The following SUGCT variants were observed in gnomAD, a reference collection of about 807,000 sequenced individuals.
SUGCT encodes succinyl-CoA:glutarate-CoA transferase.
Under a neutral mutation model 55.0 loss-of-function variants are expected in SUGCT, and 41 were observed. The observed-to-expected ratio is 0.74, with a 90% CI of 0.58 to 0.97. The LOEUF (loss-of-function observed/expected upper bound fraction) is 0.97, where lower values mean the gene tolerates loss of function less well. Among genes scored for constraint, SUGCT ranks in the 50% least tolerant of loss-of-function variants. The pLI, the probability that SUGCT is intolerant of heterozygous loss-of-function variation, is 0.00. For missense variants in SUGCT, 568 were observed against 547.8 expected, an observed-to-expected ratio of 1.04 and a Z score of -0.37; for synonymous variants, 187 against 200.4, an observed-to-expected ratio of 0.93 and a Z score of 0.56.
intron 11 of SUGCT, among the ~76,000 whole-genome samples, chr7:40,490,481 G>A (rs902380434): frequency 6.6e-6 from 1 of 152,142 alleles, no homozygotes; most frequent in African/African-American, 2.4e-5. Context: ...GTGTGGTGCT[G>A]TTTTGGCTTG....
intron 10 of SUGCT, among the ~76,000 whole-genome samples, chr7:40,451,925 C>A (rs1430411466): frequency 6.6e-6 from 1 of 152,210 alleles, no homozygotes; most frequent in Non-Finnish European, 1.5e-5. Flanking sequence ...CAGTTCTTCA[C>A]AGTGAGCCCC....
rs796881267 is a variant in SUGCT, at chr7:40,781,350, A to G, written c.1153+31853A>G. On this transcript the variant is annotated intron_variant, in intron 13 of 13. Transcript: ENST00000335693. ...AAATGATAGCGATGGAAATCATAATAAAAGATAAGTAACAATCGAATCTGC... is the reference window on the plus strand; with the variant it reads ...AAATGATAGCGATGGAAATCATAATGAAAGATAAGTAACAATCGAATCTGC... Among the ~76,000 whole-genome samples, 10 of 152,290 alleles carry G rather than the reference A, an allele frequency of 6.6e-5. 1 individual carries two copies. The highest frequency in any genetic ancestry group is 2.4e-4 in the African/African-American group (10 of 41,574).
At chr7:41,000,484 G>GTT in the SUGCT span, among the ~76,000 whole-genome samples, 42 of 143,666 alleles carry the variant, frequency 2.9e-4, no homozygotes, top group African/African-American at 9.6e-4. Flanking sequence ...TAACTTAGTT[G>GTT]TTTTTTTTTT....
intron 13 of SUGCT, among the ~76,000 whole-genome samples, chr7:40,800,286 CTTTTTTTTTT>C (rs11307043): frequency 8.0e-6 from 1 of 124,648 alleles, no homozygotes; most frequent in African/African-American, 3.0e-5. Context: ...GTATTCATGA[CTTTTTTTTTT>C]TTTTTTTTTG....
At chr7:41,038,693 T>A in the SUGCT span, among the ~76,000 whole-genome samples, 1 of 152,098 alleles carries the variant, frequency 6.6e-6, no homozygotes, top group Admixed American at 6.5e-5. Flanking sequence ...GAGAACACAT[T>A]AATCAATGAA....
chr7:40,264,962 A>C (rs1402884680), intron 7 of SUGCT, among the ~76,000 whole-genome samples: 1 of 152,208 alleles, frequency 6.6e-6, no homozygotes, highest in Non-Finnish European at 1.5e-5. Context: ...ACCTTTTCTT[A>C]CTTAATTCTC....
At chr7:40,189,508 G>A (rs755912209) in intron 4 of SUGCT, 36 bp from the exon 5 acceptor site, 36 of 781,630 alleles carry the variant, frequency 4.6e-5, no homozygotes, top group South Asian at 3.9e-4. Context: ...TTTGGTCATC[G>A]AAATAATATA....
At chr7:40,683,025 A>AT (rs974406720) in intron 12 of SUGCT, among the ~76,000 whole-genome samples, 3 of 151,910 alleles carry the variant, frequency 2.0e-5, no homozygotes, top group Non-Finnish European at 4.4e-5. Flanking sequence ...ATTCCTTTGC[A>AT]TTTTTTTAAT....
At chr7:40,336,119 G>A (rs1333886447) in intron 9 of SUGCT, among the ~76,000 whole-genome samples, 3 of 152,120 alleles carry the variant, frequency 2.0e-5, no homozygotes, top group Non-Finnish European at 2.9e-5. Context: ...TGGTGGATAA[G>A]GTTTTTGATG....
At chr7:40,300,926 A>G (rs1261085203) in intron 8 of SUGCT, among the ~76,000 whole-genome samples, 1 of 152,236 alleles carries the variant, frequency 6.6e-6, no homozygotes, top group Admixed American at 6.5e-5. Context: ...AGTGATGGCC[A>G]TAAAATGGCA....
chr7:40,876,655 C>T, the SUGCT span, among the ~76,000 whole-genome samples: 2,443 of 152,264 alleles, frequency 0.016, 70 homozygotes, highest in African/African-American at 0.055. Flanking sequence ...GGAAGGAAAG[C>T]TTCACCACCA....
chr7:40,411,109 T>A (rs143581347), intron 9 of SUGCT, among the ~76,000 whole-genome samples: 393 of 152,304 alleles, frequency 2.6e-3, no homozygotes, highest in Middle Eastern at 0.017. Context: ...AGCCAATGAA[T>A]TGGCTGGGCG....
chr7:40,340,422 T>C (rs1193880043), intron 9 of SUGCT, among the ~76,000 whole-genome samples: 2 of 152,092 alleles, frequency 1.3e-5, no homozygotes, highest in African/African-American at 4.8e-5. Flanking sequence ...AGAATGGAAC[T>C]ATGATCAAAT....
chr7:40,950,536 G>T, the SUGCT span, among the ~76,000 whole-genome samples: 1 of 152,136 alleles, frequency 6.6e-6, no homozygotes, highest in African/African-American at 2.4e-5. Context: ...TCTTGTGCCA[G>T]TTTTCAAAGG....
At chr7:40,300,364 G>A (rs1382127941) in intron 8 of SUGCT, among the ~76,000 whole-genome samples, 1 of 152,088 alleles carries the variant, frequency 6.6e-6, no homozygotes, top group Non-Finnish European at 1.5e-5. Flanking sequence ...GACTGCTGAG[G>A]ATGTAAAAAA....
chr7:40,237,762 C>T, intron 7 of SUGCT, 36 bp downstream of exon 7: 1 of 1,557,078 alleles, frequency 6.4e-7, no homozygotes, highest in Non-Finnish European at 8.9e-7. Context: ...ATAATTTCTT[C>T]CCTTACATAT....
chr7:40,631,530 A>T (rs1799788548), intron 12 of SUGCT, among the ~76,000 whole-genome samples: 1 of 152,216 alleles, frequency 6.6e-6, no homozygotes, highest in South Asian at 2.1e-4. Flanking sequence ...TCCTTTCATG[A>T]TCTGAAATCC....
intron 8 of SUGCT, among the ~76,000 whole-genome samples, chr7:40,283,416 A>G (rs1178373625): frequency 6.6e-6 from 1 of 151,968 alleles, no homozygotes; most frequent in Non-Finnish European, 1.5e-5. Flanking sequence ...TTTGGTAGCG[A>G]CGGGGTTCCA....
the SUGCT span, among the ~76,000 whole-genome samples, chr7:41,002,328 C>T: frequency 6.6e-6 from 1 of 152,112 alleles, no homozygotes; most frequent in East Asian, 1.9e-4. Context: ...GTGGAGAATG[C>T]GAACTTTATC....
Sources: gnomAD v4.1 joint callset for allele counts (sites outside exome capture counted in the v4.1 genomes callset) on GRCh38, gnomAD v4.1.1 for gene constraint, MANE v1.5 for transcripts, NCBI Gene and HGNC (gene_info 2026-07-23, HGNC 2026-07-21) for gene names.